WDTC1: variants seen among roughly 807,000 people sequenced by gnomAD.
The protein encoded by WDTC1 is WD and tetratricopeptide repeats 1.
In WDTC1, 12 loss-of-function variants were observed where a neutral mutation model predicts 76.0. That is an observed-to-expected ratio of 0.16 (90% CI 0.10 to 0.26). The LOEUF (loss-of-function observed/expected upper bound fraction) is 0.26. Among genes scored for constraint, WDTC1 ranks in the 10% least tolerant of loss-of-function variants. The probability of loss-of-function intolerance (pLI) is 1.00; values close to 1 mark genes in which losing one functional copy is unlikely to be tolerated. For synonymous variants in WDTC1, 326 were observed against 350.8 expected (o/e 0.93, Z 0.79); for missense variants, 511 against 908.8 (o/e 0.56, Z 5.63).
At chr1:27,262,163 C>T (rs1457187415) in intron 2 of WDTC1, among the ~76,000 whole-genome samples, 1 of 151,906 alleles carries the variant, frequency 6.6e-6, no homozygotes, top group Non-Finnish European at 1.5e-5. Context: ...CTCCTGACCT[C>T]GTGATCCACC....
At chr1:27,259,880 AG>A (rs1354890696) in intron 1 of WDTC1, among the ~76,000 whole-genome samples, 1 of 151,370 alleles carries the variant, frequency 6.6e-6, no homozygotes, top group Non-Finnish European at 1.5e-5. Flanking sequence ...AAGAGAGAAA[AG>A]AAAAAATTAG....
At chr1:27,249,315 C>A (rs1018832264) in intron 1 of WDTC1, among the ~76,000 whole-genome samples, 17 of 151,800 alleles carry the variant, frequency 1.1e-4, no homozygotes, top group Non-Finnish European at 1.9e-4. Flanking sequence ...TCTATCCCCC[C>A]ATTCCCTTCA....
chr1:27,294,170 T>G, intron 8 of WDTC1, 54 bp downstream of exon 8: 2 of 1,576,114 alleles, frequency 1.3e-6, no homozygotes, highest in Non-Finnish European at 1.7e-6. Context: ...CTGACTCTTT[T>G]GGGGGCAGTC....
At chr1:27,285,677 G>C (rs1397945548) in intron 5 of WDTC1, among the ~76,000 whole-genome samples, 1 of 150,534 alleles carries the variant, frequency 6.6e-6, no homozygotes, top group Non-Finnish European at 1.5e-5. Context: ...GGAGTACAGT[G>C]GCAAGATCTC....
intron 1 of WDTC1, among the ~76,000 whole-genome samples, chr1:27,235,416 G>C (rs1401052653): frequency 2.0e-5 from 3 of 151,556 alleles, no homozygotes; most frequent in African/African-American, 7.3e-5. Context: ...GTGTGTGTGT[G>C]TGTGTGTGTG....
At chr1:27,242,855 C>T (rs2011673351) in intron 1 of WDTC1, among the ~76,000 whole-genome samples, 1 of 152,124 alleles carries the variant, frequency 6.6e-6, no homozygotes, top group African/African-American at 2.4e-5. Flanking sequence ...TCTAAAGCTT[C>T]CCAGAAAGTA....
Position 27,296,404 on chromosome 1 carries a change from A to G in WDTC1, c.949+3A>G, listed in dbSNP as rs2013685616. ...TAGAAAATGCCACTCCTCGGGGGGT[A>G]AGTTCTCCCTTAGGGTATCTCTACT... On this transcript the variant is annotated splice_donor_region_variant and intron_variant, in intron 10 of 15. Coordinates refer to ENST00000319394, the MANE Select transcript of WDTC1 (RefSeq NM_001276252.2). The G allele has an allele frequency of 6.2e-7, 1 of 1,613,944 alleles. No homozygotes were observed. Among genetic ancestry groups the G allele is most frequent in the African/African-American group, 1.3e-5 (1 of 74,876 alleles).
rs151248965 is a variant in WDTC1, at chr1:27,269,910, T to TTTGTTGTTG, written c.132+6708_132+6716dup. ...CAGGCATGAGCCACCACGCCCGGCC[T>TTTGTTGTTG]TTGTTGTTGTTGTTGTTGTTGTTGT... On this transcript the variant is annotated intron_variant, in intron 3 of 15. Coordinates refer to ENST00000319394, the MANE Select transcript of WDTC1 (RefSeq NM_001276252.2). 5.9e-3 allele frequency among the ~76,000 whole-genome samples: 870 copies of TTTGTTGTTG among 146,708 alleles called. 11 individuals carry two copies. The highest frequency in any genetic ancestry group is 0.021 in the African/African-American group (816 of 39,512).
chr1:27,269,323 C>T (rs2012780742), intron 3 of WDTC1, among the ~76,000 whole-genome samples: 1 of 147,102 alleles, frequency 6.8e-6, no homozygotes. Flanking sequence ...ACTTGGGCAA[C>T]AGAGTGGGAC....
At chr1:27,263,786 C>T (rs2012563807) in intron 3 of WDTC1, among the ~76,000 whole-genome samples, 1 of 152,054 alleles carries the variant, frequency 6.6e-6, no homozygotes. Context: ...AATTCCATAC[C>T]ACTATTTTTA....
chr1:27,291,310 A>C (rs1037548311), intron 6 of WDTC1, among the ~76,000 whole-genome samples: 4 of 152,226 alleles, frequency 2.6e-5, no homozygotes, highest in Non-Finnish European at 5.9e-5. Flanking sequence ...GAGTCTTGAA[A>C]ACCAGACTGA....
intron 6 of WDTC1, among the ~76,000 whole-genome samples, chr1:27,291,767 T>TG (rs2013543385): frequency 6.6e-6 from 1 of 152,152 alleles, no homozygotes; most frequent in African/African-American, 2.4e-5. Context: ...GTGTTTAAGA[T>TG]GCAGTCTCAG....
intron 1 of WDTC1, among the ~76,000 whole-genome samples, chr1:27,236,795 G>A (rs1459986758): frequency 6.6e-6 from 1 of 151,984 alleles, no homozygotes. Context: ...CTATGACTTG[G>A]TCTTTAATTA....
At chr1:27,242,017 G>A (rs1346833231) in intron 1 of WDTC1, among the ~76,000 whole-genome samples, 1 of 151,832 alleles carries the variant, frequency 6.6e-6, no homozygotes, top group Non-Finnish European at 1.5e-5. Flanking sequence ...TCAGCCTCCT[G>A]AGTAGCTAGG....
At chr1:27,260,012 G>A (rs2012423698) in intron 1 of WDTC1, among the ~76,000 whole-genome samples, 1 of 152,120 alleles carries the variant, frequency 6.6e-6, no homozygotes, top group African/African-American at 2.4e-5. Context: ...ACTGCAGCCT[G>A]GGTGACAGAG....
chr1:27,275,220 A>G (rs2012987056), intron 3 of WDTC1, among the ~76,000 whole-genome samples: 1 of 152,134 alleles, frequency 6.6e-6, no homozygotes, highest in African/African-American at 2.4e-5. Context: ...ATACATTCAA[A>G]TTATGAATTT....
At chr1:27,258,560 AG>A (rs1438461991) in intron 1 of WDTC1, among the ~76,000 whole-genome samples, 1 of 151,590 alleles carries the variant, frequency 6.6e-6, no homozygotes, top group African/African-American at 2.4e-5. Flanking sequence ...AAGAAAAGAA[AG>A]GGAGGGAGGG....
chr1:27,289,405 G>A (rs1437816654), intron 6 of WDTC1, among the ~76,000 whole-genome samples: 2 of 149,802 alleles, frequency 1.3e-5, no homozygotes, highest in South Asian at 2.1e-4. Context: ...GGGCAGAGGC[G>A]CTCCTCACAT....
intron 1 of WDTC1, 59 bp from the exon 2 acceptor site, chr1:27,260,897 A>T: frequency 1.3e-6 from 1 of 784,352 alleles, no homozygotes; most frequent in Non-Finnish European, 2.0e-6. Flanking sequence ...GGGTGGAATT[A>T]GGTCTTGGGA....
Sources: allele counts gnomAD v4.1 joint callset (sites outside exome capture counted in the v4.1 genomes callset), GRCh38; gene constraint gnomAD v4.1.1; transcripts MANE v1.5; gene names NCBI Gene and HGNC (gene_info 2026-07-23, HGNC 2026-07-21).